The following BARX2 variants were observed in gnomAD, a reference collection of about 807,000 sequenced individuals.
The protein encoded by BARX2 is BARX homeobox 2, also known as homeobox protein BarH-like 2.
BARX2 carries 11 observed loss-of-function variants against 25.5 expected under a neutral mutation model. That is an observed-to-expected ratio of 0.43 (90% CI 0.27 to 0.71). The LOEUF is 0.71. BARX2 is among the 30% of genes least tolerant of loss of function. BARX2 has a pLI of 0.19. For synonymous variants in BARX2, 137 were observed against 149.5 expected, an observed-to-expected ratio of 0.92 and a Z score of 0.61; for missense variants, 360 against 359.9, an observed-to-expected ratio of 1.00 and a Z score of 0.00.
chr11:129,408,978 C>G (rs1357281680), intron 1 of BARX2, among the ~76,000 whole-genome samples: 4 of 152,060 alleles, frequency 2.6e-5, no homozygotes. Context: ...ACCTTTGTTG[C>G]CCTCAAACTA....
intron 1 of BARX2, among the ~76,000 whole-genome samples, chr11:129,421,175 A>G (rs1565517354): frequency 6.6e-6 from 1 of 152,356 alleles, no homozygotes; most frequent in East Asian, 1.9e-4. Context: ...ATTGTGTTGC[A>G]AAATCTTATT....
intron 1 of BARX2, among the ~76,000 whole-genome samples, chr11:129,384,774 A>G (rs989126752): frequency 6.6e-6 from 1 of 152,208 alleles, no homozygotes; most frequent in Non-Finnish European, 1.5e-5. Flanking sequence ...TTTATACCCT[A>G]AACCATATTC....
In BARX2 at chr11:129,385,095, AAT is replaced by A. The variant is rs1861604920; in HGVS notation, c.187+8876_187+8877del. ...GCTGATAAGTGGGAACACCCGAATT[AAT>A]ATGAGATACCATTTCACACTCACTG... On this transcript the variant is annotated intron_variant, in intron 1 of 3. Coordinates refer to ENST00000281437, the MANE Select transcript of BARX2 (RefSeq NM_003658.5). 5.3e-5 allele frequency among the ~76,000 whole-genome samples: 8 copies of A among 152,340 alleles called. No homozygotes were observed. The South Asian group carries it at 1.0e-3, about 20-fold the overall frequency.
chr11:129,428,739 A>G (rs1294699660), intron 1 of BARX2, among the ~76,000 whole-genome samples: 1 of 152,200 alleles, frequency 6.6e-6, no homozygotes, highest in Non-Finnish European at 1.5e-5. Flanking sequence ...CTTTAGAGAC[A>G]CATATCAAAT....
At chr11:129,402,531 T>TA (rs1319596487) in intron 1 of BARX2, among the ~76,000 whole-genome samples, 4 of 151,840 alleles carry the variant, frequency 2.6e-5, no homozygotes, top group East Asian at 3.9e-4. Flanking sequence ...TCCCCATCTG[T>TA]AAAAAAAAGG....
Position 129,451,246 on chromosome 11 carries a change from C to G in BARX2, c.684C>G (p.Ala228=), listed in dbSNP as rs2135419653. 6.2e-7 allele frequency: 1 copy of G among 1,614,112 alleles called. No homozygotes were observed. Among genetic ancestry groups the G allele is most frequent in the Admixed American group, 1.7e-5 (1 of 60,022 alleles). Residue 228 remains alanine, a synonymous_variant, in exon 4 of 4, where the codon GCC becomes GCG. Transcript: ENST00000281437. ...IEAEEKMNSQ[A]QGQEQLEPSQ... is the part of the protein sequence containing the mutation. Reference sequence around the variant, plus strand: ...CTGAAGAGAAGATGAACAGCCAGGCCCAGGGTCAGGAGCAGCTGGAGCCCT... The same window carrying G: ...CTGAAGAGAAGATGAACAGCCAGGCGCAGGGTCAGGAGCAGCTGGAGCCCT...
intron 2 of BARX2, 125 bp downstream of exon 2, chr11:129,437,176 C>A: frequency 9.1e-7 from 1 of 1,102,368 alleles, no homozygotes; most frequent in Non-Finnish European, 1.2e-6. Context: ...GGAGTCCACT[C>A]CTTGGCTCAA....
At chr11:129,380,181 G>A (rs747822816) in intron 1 of BARX2, among the ~76,000 whole-genome samples, 2 of 151,982 alleles carry the variant, frequency 1.3e-5, no homozygotes, top group Non-Finnish European at 2.9e-5. Context: ...TTACACACCC[G>A]GGACTAACCC....
intron 1 of BARX2, among the ~76,000 whole-genome samples, chr11:129,393,415 ATATT>A (rs1042653050): frequency 1.3e-5 from 2 of 152,080 alleles, no homozygotes; most frequent in African/African-American, 4.8e-5. Context: ...TAAATATTAA[ATATT>A]TAAATATTTT....
intron 3 of BARX2, among the ~76,000 whole-genome samples, chr11:129,450,353 C>T (rs1301623905): frequency 6.6e-6 from 1 of 152,166 alleles, no homozygotes; most frequent in Admixed American, 6.5e-5. Flanking sequence ...ATCCTGCAAA[C>T]AAGGTGGTGT....
intron 1 of BARX2, among the ~76,000 whole-genome samples, chr11:129,432,917 G>C (rs1231636145): frequency 6.6e-6 from 1 of 152,090 alleles, no homozygotes; most frequent in Non-Finnish European, 1.5e-5. Context: ...CTTCCTCTCT[G>C]TGACCTGAGA....
At chr11:129,449,320 T>A (rs375959861) in intron 3 of BARX2, among the ~76,000 whole-genome samples, 1 of 152,298 alleles carries the variant, frequency 6.6e-6, no homozygotes, top group African/African-American at 2.4e-5. Context: ...AGGGACTGCA[T>A]AGAAGTTAGC....
At chr11:129,389,164 A>T (rs1268843587) in intron 1 of BARX2, among the ~76,000 whole-genome samples, 1 of 152,082 alleles carries the variant, frequency 6.6e-6, no homozygotes, top group African/African-American at 2.4e-5. Flanking sequence ...TGTATATAAA[A>T]CTCCTAGTAT....
intron 1 of BARX2, among the ~76,000 whole-genome samples, chr11:129,378,277 T>TA (rs1352141355): frequency 6.6e-6 from 1 of 152,326 alleles, no homozygotes; most frequent in East Asian, 1.9e-4. Flanking sequence ...ATTAAACCCA[T>TA]AAAAACTGGC....
At chr11:129,405,143 T>G (rs1861817540) in intron 1 of BARX2, among the ~76,000 whole-genome samples, 1 of 152,212 alleles carries the variant, frequency 6.6e-6, no homozygotes, top group Non-Finnish European at 1.5e-5. Context: ...TCAGAGCATT[T>G]GGACAGAAGC....
intron 1 of BARX2, among the ~76,000 whole-genome samples, chr11:129,417,335 C>T (rs897524592): frequency 3.3e-5 from 5 of 152,162 alleles, no homozygotes; most frequent in Admixed American, 1.3e-4. Context: ...CAGCTCCATT[C>T]CCCAGGACAG....
At position 129,376,188 on chromosome 11, in the gene BARX2, G is replaced by T. The variant is rs1345031026; in HGVS notation, c.153G>T (p.Leu51=). 6.2e-7 allele frequency: 1 copy of T among 1,611,294 alleles called. No individual in the cohort carries two copies. The change falls in exon 1 of 4, where the codon CTG becomes CTT. Residue 51 remains leucine, a synonymous_variant. Transcript: ENST00000281437. The surrounding 1 kb of genome is among the most constrained non-coding windows in gnomAD (Gnocchi z 4.2). ...CCCTCTACTCCGTGTGCCCGTCGCT[G>T]GTCGTGCGACCCAAGCCCCTGCATT... ...KLSLYSVCPS[L]VVRPKPLHSC...
intron 3 of BARX2, among the ~76,000 whole-genome samples, chr11:129,447,659 GTCT>G (rs1364904069): frequency 1.3e-5 from 2 of 152,130 alleles, no homozygotes; most frequent in Non-Finnish European, 2.9e-5. Flanking sequence ...TTAGAAAATG[GTCT>G]AATTGTTTTG....
intron 3 of BARX2, 70 bp from the exon 4 acceptor site, chr11:129,451,066 A>C: frequency 6.4e-7 from 1 of 1,558,014 alleles, no homozygotes; most frequent in Non-Finnish European, 8.7e-7. Flanking sequence ...ACGTGAGGTT[A>C]TACTGGGAGT....
Sources: gnomAD v4.1 joint callset for allele counts (sites outside exome capture counted in the v4.1 genomes callset) on GRCh38, gnomAD v4.1.1 for gene constraint, Gnocchi (gnomAD v3.1) non-coding constraint, MANE v1.5 for transcripts, NCBI Gene and HGNC (gene_info 2026-07-23, HGNC 2026-07-21) for gene names.